Variants in DACH1 observed in about 807,000 individuals in gnomAD.
The protein encoded by DACH1 is dachshund homolog 1.
DACH1 carries 12 observed loss-of-function variants against 54.2 expected under a neutral mutation model. The observed-to-expected ratio is 0.22, with a 90% CI of 0.14 to 0.36. The LOEUF is 0.36. DACH1 is among the 10% of genes least tolerant of loss of function. The pLI, the probability that DACH1 is intolerant of heterozygous loss-of-function variation, is 1.00. For synonymous variants in DACH1, 386 were observed against 366.2 expected, an observed-to-expected ratio of 1.05 and a Z score of -0.62; for missense variants, 805 against 929.8, an observed-to-expected ratio of 0.87 and a Z score of 1.75.
At chr13:71,797,960 C>T (rs1887124152) in intron 1 of DACH1, among the ~76,000 whole-genome samples, 1 of 152,060 alleles carries the variant, frequency 6.6e-6, no homozygotes, top group South Asian at 2.1e-4. Flanking sequence ...AACAGTTTCA[C>T]TGTAATTTCA....
At chr13:71,772,378 G>T (rs1196827372) in intron 1 of DACH1, among the ~76,000 whole-genome samples, 1 of 151,678 alleles carries the variant, frequency 6.6e-6, no homozygotes, top group Non-Finnish European at 1.5e-5. Context: ...TTCCTTAAAA[G>T]ACTTTAATAA....
chr13:71,584,023 G>T lies in DACH1; in HGVS notation c.1127-11011C>A, dbSNP rs910834696. 2.0e-5 allele frequency among the ~76,000 whole-genome samples: 3 copies of T among 151,724 alleles called. No homozygotes were observed. The South Asian group carries it at 6.2e-4, about 32-fold the overall frequency. ...AAATATTGCACACTTCCTACTTTTT[G>T]CCTGTTCTACCACACACATTCTCTC... is the stretch of plus-strand genomic sequence containing the variant. On this transcript the variant is annotated intron_variant, in intron 3 of 10. Coordinates refer to ENST00000613252, the MANE Select transcript of DACH1 (RefSeq NM_080759.6).
At chr13:71,845,859 G>A (rs1357718849) in intron 1 of DACH1, 1 of 152,148 alleles carries the variant, frequency 6.6e-6, no homozygotes, top group East Asian at 1.9e-4. Context: ...GACCTTATCG[G>A]TACTGCTTGT....
chr13:71,441,354 A>G (rs749984389), intron 10 of DACH1, among the ~76,000 whole-genome samples: 7 of 152,084 alleles, frequency 4.6e-5, no homozygotes, highest in Non-Finnish European at 1.0e-4. Flanking sequence ...CATCGAATAA[A>G]TCCATTTGAA....
intron 3 of DACH1, among the ~76,000 whole-genome samples, chr13:71,594,330 ACT>A (rs1180271349): frequency 2.0e-5 from 3 of 152,036 alleles, no homozygotes; most frequent in Non-Finnish European, 4.4e-5. Context: ...CAAAATAATC[ACT>A]CTCAAAATGC....
chr13:71,612,011 A>G (rs1593983887), intron 3 of DACH1, among the ~76,000 whole-genome samples: 2 of 152,302 alleles, frequency 1.3e-5, no homozygotes, highest in Middle Eastern at 6.8e-3. Context: ...ATAAAAAGGT[A>G]TTAAACAAGG....
In DACH1 at chr13:71,497,520, C is replaced by T. The variant is rs1334653370; in HGVS notation, c.1571-8372G>A. 4.6e-5 allele frequency among the ~76,000 whole-genome samples: 7 copies of T among 151,904 alleles called. No homozygotes were observed. In the East Asian group the frequency reaches 5.8e-4, roughly 13 times the overall value. Reference sequence around the variant, plus strand: ...CTAATTTTGTATTTGTTGGTAGAGACGGGGTTTCTCCATGTTGGTCATGCT... The same window carrying T: ...CTAATTTTGTATTTGTTGGTAGAGATGGGGTTTCTCCATGTTGGTCATGCT... On this transcript the variant is annotated intron_variant, in intron 6 of 10. Transcript: ENST00000613252.
At chr13:71,775,242 A>G (rs1379257734) in intron 1 of DACH1, among the ~76,000 whole-genome samples, 2 of 144,414 alleles carry the variant, frequency 1.4e-5, no homozygotes, top group African/African-American at 5.2e-5. Context: ...GCTTGAGGCT[A>G]TAGTGAGCCA....
At chr13:71,559,674 A>T in intron 5 of DACH1, 146 bp downstream of exon 5, 5 of 1,034,650 alleles carry the variant, frequency 4.8e-6, no homozygotes, top group Non-Finnish European at 7.0e-6. Context: ...AAACTGGGAA[A>T]CATAATTTTG....
At chr13:71,467,827 T>C (rs1429843883) in intron 10 of DACH1, among the ~76,000 whole-genome samples, 1 of 152,184 alleles carries the variant, frequency 6.6e-6, no homozygotes, top group Admixed American at 6.5e-5. Context: ...TTTTGTTTTG[T>C]TCATAGTAAC....
At chr13:71,506,344 A>G (rs969941229) in intron 6 of DACH1, among the ~76,000 whole-genome samples, 2 of 131,680 alleles carry the variant, frequency 1.5e-5, no homozygotes, top group African/African-American at 5.8e-5. Flanking sequence ...TGTCCATGTG[A>G]TCTCATTGTT....
intron 1 of DACH1, among the ~76,000 whole-genome samples, chr13:71,738,802 G>A (rs1884257906): frequency 7.3e-6 from 1 of 136,912 alleles, no homozygotes; most frequent in African/African-American, 2.6e-5. Context: ...AAAACAGAAA[G>A]GAAAAGAGAA....
chr13:71,738,376 T>C (rs957293375), intron 1 of DACH1, among the ~76,000 whole-genome samples: 11 of 152,084 alleles, frequency 7.2e-5, no homozygotes, highest in Admixed American at 6.6e-4. Flanking sequence ...ACAATATTAA[T>C]TGAGAAATAA....
At chr13:71,552,828 TATATATATATATATAGAGAG>T (rs1307980417) in intron 6 of DACH1, among the ~76,000 whole-genome samples, 43 of 46,148 alleles carry the variant, frequency 9.3e-4, no homozygotes, top group African/African-American at 2.7e-3. Flanking sequence ...TATATATATA[TATATATATATATATAGAGAG>T]AGAGAGAGAG....
At chr13:71,527,592 C>T (rs1260002583) in intron 6 of DACH1, among the ~76,000 whole-genome samples, 2 of 152,184 alleles carry the variant, frequency 1.3e-5, no homozygotes, top group African/African-American at 4.8e-5. Context: ...CATCATTGAA[C>T]ATGGGAAACA....
intron 1 of DACH1, among the ~76,000 whole-genome samples, chr13:71,778,143 A>T (rs1323007921): frequency 1.3e-5 from 2 of 149,320 alleles, no homozygotes; most frequent in African/African-American, 2.5e-5. Flanking sequence ...AATAAATAAA[A>T]CTATAAAACT....
chr13:71,833,081 G>A (rs1215329779), intron 1 of DACH1, among the ~76,000 whole-genome samples: 1 of 152,028 alleles, frequency 6.6e-6, no homozygotes, highest in African/African-American at 2.4e-5. Context: ...TGAATAGAAC[G>A]TTTTGAAAGC....
chr13:71,451,403 G>A (rs1875044475), intron 10 of DACH1, among the ~76,000 whole-genome samples: 2 of 152,108 alleles, frequency 1.3e-5, no homozygotes, highest in African/African-American at 4.8e-5. Context: ...AGCATCTTGA[G>A]CATTGCTTGG....
chr13:71,779,247 G>GT (rs148681022), intron 1 of DACH1, among the ~76,000 whole-genome samples: 13,988 of 121,356 alleles, frequency 0.12, 1,899 homozygotes, highest in East Asian at 0.55. Flanking sequence ...ACATATATAC[G>GT]TATATACGTA....
Sources: allele counts gnomAD v4.1 joint callset (sites outside exome capture counted in the v4.1 genomes callset), GRCh38; gene constraint gnomAD v4.1.1; transcripts MANE v1.5; gene names NCBI Gene and HGNC (gene_info 2026-07-23, HGNC 2026-07-21).